The following CCSER1 variants were observed in gnomAD, a reference collection of about 807,000 sequenced individuals.
CCSER1 encodes coiled-coil serine rich protein 1.
CCSER1 carries 41 observed loss-of-function variants against 82.0 expected under a neutral mutation model. The ratio of observed to expected loss-of-function variants is 0.50; its 90% CI spans 0.39 to 0.65. The LOEUF is 0.65. Ranked by LOEUF, CCSER1 falls within the 30% of genes least tolerant of loss-of-function variation. The probability of loss-of-function intolerance (pLI) is 0.00; values close to 1 mark genes in which losing one functional copy is unlikely to be tolerated. For missense variants in CCSER1, 1,119 were observed against 1,064.2 expected (o/e 1.05, Z -0.72); for synonymous variants, 414 against 383.9 (o/e 1.08, Z -0.92).
At chr4:91,220,938 G>A (rs1416710125) in intron 10 of CCSER1, among the ~76,000 whole-genome samples, 2 of 151,964 alleles carry the variant, frequency 1.3e-5, no homozygotes, top group African/African-American at 2.4e-5. Flanking sequence ...TCATATGTAC[G>A]GAAAATGTAG....
intron 10 of CCSER1, among the ~76,000 whole-genome samples, chr4:91,547,876 G>T (rs1272996081): frequency 6.6e-6 from 1 of 151,898 alleles, no homozygotes; most frequent in African/African-American, 2.4e-5. Context: ...CTGCCTCCTG[G>T]GTTCTAGCAA....
chr4:91,480,524 A>G (rs1038762587), intron 10 of CCSER1, among the ~76,000 whole-genome samples: 14 of 152,200 alleles, frequency 9.2e-5, no homozygotes, highest in African/African-American at 2.9e-4. Context: ...GCAAACCTGA[A>G]TGTCATTGAG....
intron 10 of CCSER1, among the ~76,000 whole-genome samples, chr4:91,208,643 C>G (rs1382032684): frequency 1.3e-5 from 2 of 151,770 alleles, no homozygotes; most frequent in Non-Finnish European, 2.9e-5. Flanking sequence ...AGTTTGAAAT[C>G]AGGTAATGTG....
At chr4:91,341,687 A>G (rs1747728497) in intron 10 of CCSER1, among the ~76,000 whole-genome samples, 1 of 152,072 alleles carries the variant, frequency 6.6e-6, no homozygotes, top group African/African-American at 2.4e-5. Context: ...GGCTCCAGAC[A>G]TGCACTACCA....
intron 10 of CCSER1, among the ~76,000 whole-genome samples, chr4:91,414,848 G>T (rs1753262348): frequency 6.6e-6 from 1 of 152,038 alleles, no homozygotes. Context: ...TTATATAATG[G>T]GTTGATTGAT....
Position 91,602,337 on chromosome 4 carries a change from A to G in CCSER1, c.*3280A>G, listed in dbSNP as rs1290473302. Among the ~76,000 whole-genome samples, 2 of 151,936 alleles carry G rather than the reference A, an allele frequency of 1.3e-5. No individual in the cohort carries two copies. The highest frequency in any genetic ancestry group is 4.8e-5 in the African/African-American group (2 of 41,420). On this transcript the variant is annotated 3_prime_UTR_variant, in exon 11 of 11. Transcript: ENST00000509176. ...TGTTTTGTTTTCTTTGTCTTGTTTA[A>G]TAGAGATAATAACCATACACCCCTC...
chr4:90,930,025 T>TA lies in CCSER1; in HGVS notation c.2172+6585dup, dbSNP rs1419225641. 7.9e-5 allele frequency among the ~76,000 whole-genome samples: 12 copies of TA among 152,252 alleles called. No homozygotes were observed. In the South Asian group the frequency reaches 2.3e-3, roughly 29 times the overall value. On this transcript the variant is annotated intron_variant, in intron 9 of 10. Coordinates refer to ENST00000509176, the MANE Select transcript of CCSER1 (RefSeq NM_001145065.2). ...TTGTCAGTTAAAAATAATGTTAACT[T>TA]AAAAAAATTGAAAAGAGTACACACG...
chr4:90,656,158 A>G (rs1266467947), intron 6 of CCSER1, among the ~76,000 whole-genome samples: 1 of 151,910 alleles, frequency 6.6e-6, no homozygotes, highest in African/African-American at 2.4e-5. Context: ...GTTGTTAACA[A>G]TTAATATTTT....
intron 9 of CCSER1, among the ~76,000 whole-genome samples, chr4:91,015,168 A>G (rs765200364): frequency 2.6e-5 from 4 of 152,088 alleles, no homozygotes; most frequent in Non-Finnish European, 5.9e-5. Flanking sequence ...ATAACATTGC[A>G]GAAAGGATGT....
chr4:90,926,275 A>T (rs1275288299), intron 9 of CCSER1, among the ~76,000 whole-genome samples: 5 of 152,016 alleles, frequency 3.3e-5, no homozygotes, highest in Non-Finnish European at 5.9e-5. Context: ...AACAAGAAAC[A>T]TCTCGTGGAA....
intron 10 of CCSER1, among the ~76,000 whole-genome samples, chr4:91,237,486 G>T (rs1057494805): frequency 3.3e-5 from 5 of 151,586 alleles, no homozygotes; most frequent in African/African-American, 1.2e-4. Flanking sequence ...GTCAAAATCA[G>T]GCAAAAAGAG....
intron 10 of CCSER1, among the ~76,000 whole-genome samples, chr4:91,345,179 A>G (rs72879084): frequency 0.087 from 13,218 of 152,110 alleles, 1,926 homozygotes; most frequent in African/African-American, 0.3. Context: ...TCACTTGAGG[A>G]TCAGGAGTTC....
chr4:90,992,951 C>T (rs1170216596), intron 9 of CCSER1, among the ~76,000 whole-genome samples: 1 of 151,930 alleles, frequency 6.6e-6, no homozygotes, highest in African/African-American at 2.4e-5. Context: ...AGGAATGGGG[C>T]TCACACACCG....
intron 7 of CCSER1, among the ~76,000 whole-genome samples, chr4:90,791,085 C>A (rs1158258935): frequency 6.6e-6 from 1 of 152,150 alleles, no homozygotes; most frequent in Non-Finnish European, 1.5e-5. Context: ...GAAAGCACCT[C>A]TTCACAGGGC....
intron 10 of CCSER1, among the ~76,000 whole-genome samples, chr4:91,385,833 G>A (rs1751250048): frequency 6.6e-6 from 1 of 151,842 alleles, no homozygotes; most frequent in Non-Finnish European, 1.5e-5. Context: ...ATTTAGGAAG[G>A]CAAGGGAAAA....
intron 9 of CCSER1, among the ~76,000 whole-genome samples, chr4:91,032,116 C>T (rs4692958): frequency 5.9e-5 from 9 of 151,776 alleles, no homozygotes; most frequent in East Asian, 1.9e-4. Flanking sequence ...CAAAAATGTG[C>T]TTTTTTGCAT....
intron 4 of CCSER1, among the ~76,000 whole-genome samples, chr4:90,426,892 T>C (rs560060018): frequency 2.0e-4 from 30 of 152,206 alleles, no homozygotes; most frequent in Middle Eastern, 3.4e-3. Flanking sequence ...TTCAAGTTGT[T>C]CTGAACCATT....
intron 10 of CCSER1, among the ~76,000 whole-genome samples, chr4:91,528,886 C>G (rs570462470): frequency 6.6e-5 from 10 of 152,154 alleles, no homozygotes; most frequent in Non-Finnish European, 1.2e-4. Flanking sequence ...CTACATACAT[C>G]CCAGGACTTC....
At chr4:90,230,237 C>A (rs1474205508) in intron 1 of CCSER1, among the ~76,000 whole-genome samples, 2 of 152,078 alleles carry the variant, frequency 1.3e-5, no homozygotes, top group Admixed American at 6.6e-5. Flanking sequence ...CTCTCCTCAG[C>A]AAATGTAAAA....
Sources: gnomAD v4.1 joint callset for allele counts (sites outside exome capture counted in the v4.1 genomes callset) on GRCh38, gnomAD v4.1.1 for gene constraint, MANE v1.5 for transcripts, NCBI Gene and HGNC (gene_info 2026-07-23, HGNC 2026-07-21) for gene names.